The following ABCF2 variants were observed in gnomAD, a reference collection of about 807,000 sequenced individuals.
ABCF2 encodes ATP binding cassette subfamily F member 2, also known as ATP-binding cassette sub-family F member 2.
Under a neutral mutation model 76.9 loss-of-function variants are expected in ABCF2, and 37 were observed. The observed-to-expected ratio is 0.48, with a 90% CI of 0.37 to 0.63. The LOEUF (loss-of-function observed/expected upper bound fraction) is 0.63. Among genes scored for constraint, ABCF2 ranks in the 30% least tolerant of loss-of-function variants. The pLI is 0.00. For synonymous variants in ABCF2, 299 were observed against 283.7 expected (o/e 1.05, Z -0.54); for missense variants, 524 against 782.1 (o/e 0.67, Z 3.94).
chr7:151,216,463 G>C (rs1413325896), intron 11 of ABCF2, among the ~76,000 whole-genome samples: 2 of 152,136 alleles, frequency 1.3e-5, no homozygotes, highest in Non-Finnish European at 2.9e-5. Flanking sequence ...ATATAAACAA[G>C]AATTAGGTTC....
chr7:151,217,996 G>A (rs1216233396), intron 11 of ABCF2, 85 bp downstream of exon 11: 18 of 1,015,672 alleles, frequency 1.8e-5, no homozygotes, highest in Non-Finnish European at 2.4e-5. Context: ...CCCTCCCAAA[G>A]TAGTAGCCCC....
chr7:151,215,228 G>T lies in ABCF2; in HGVS notation c.1531-146C>A. The T allele has an allele frequency of 1.2e-6, 1 of 810,204 alleles. No homozygotes were observed. Among genetic ancestry groups the T allele is most frequent in the South Asian group, 1.7e-5 (1 of 57,438 alleles). The allele number at this position is 810,204 out of a possible 1,614,324, so 50.2% of individuals were successfully genotyped here. On this transcript the variant is annotated intron_variant, in intron 13 of 14. Coordinates refer to ENST00000287844, the MANE Select transcript of ABCF2 (RefSeq NM_007189.3). The surrounding 1 kb of genome is among the most constrained non-coding windows in gnomAD (Gnocchi z 4.6). The stretch of plus-strand genomic sequence containing the variant: ...CAGAGAGACCCACTAGTCTCTTGAG[G>T]CCTGAAAGAGACTCATCCGGAAACC...
Position 151,213,053 on chromosome 7 carries a change from C to T in ABCF2, c.*1001G>A, listed in dbSNP as rs893236298. ...CGCTGGGATTACAGGTGTGAGCCAC[C>T]GCACCTGGCCTGCATTTTTAACAAG... On this transcript the variant is annotated 3_prime_UTR_variant, in exon 15 of 15. Coordinates refer to ENST00000287844, the MANE Select transcript of ABCF2 (RefSeq NM_007189.3). The T allele has an allele frequency of 2.9e-5, 29 of 985,186 alleles. No homozygotes were observed. In the South Asian group the frequency reaches 4.2e-4, roughly 14 times the overall value. 61.0% of individuals were successfully genotyped at this position (985,186 alleles called of 1,614,324 possible).
chr7:151,226,414 C>A lies in ABCF2; in HGVS notation c.45G>T (p.Glu15Asp), dbSNP rs1172761275. 6.2e-7 allele frequency: 1 copy of A among 1,613,952 alleles called. No homozygotes were observed. The highest frequency in any genetic ancestry group is 2.2e-5 in the East Asian group (1 of 44,884). ...LAKKKAAKKK[E>D]AAKARQRPRK... is the part of the protein sequence containing the mutation. ...TGGGCCGCTGTCGAGCTTTGGCAGC[C>A]TCCTTCTTTTTGGCTGCCTTCTTCT... The change falls in exon 2 of 15, where the codon GAG (glutamate) becomes GAT (aspartate). Residue 15 changes from glutamate to aspartate, a missense_variant. This residue lies in a region of ABCF2 where 330 missense variants were observed against 433.6 expected (regional missense o/e 0.76). Coordinates refer to ENST00000287844, the MANE Select transcript of ABCF2 (RefSeq NM_007189.3).
Position 151,213,533 on chromosome 7 carries a change from C to G in ABCF2, c.*521G>C. ...CGTGGCTTCCTCTTTCTTTATTGGG[C>G]GCTTTGTAGATGTCACGCAGGTCTA... On this transcript the variant is annotated 3_prime_UTR_variant, in exon 15 of 15. Transcript: ENST00000287844. 1.0e-6 allele frequency: 1 copy of G among 985,838 alleles called. No individual in the cohort carries two copies. The highest frequency in any genetic ancestry group is 1.2e-6 in the Non-Finnish European group (1 of 830,344). The allele number at this position is 985,838 out of a possible 1,614,324, so 61.1% of individuals were successfully genotyped here.
chr7:151,211,923 TG>T lies in ABCF2; in HGVS notation c.*2130del, dbSNP rs1193145416. On this transcript the variant is annotated 3_prime_UTR_variant, in exon 15 of 15. Transcript: ENST00000287844. Reference sequence around the variant, plus strand: ...GTTGCCCAGGGCAGCTCCTGGACTTTGTGGCCATCTGAGAAGATCCTACTCA... The same window carrying T: ...GTTGCCCAGGGCAGCTCCTGGACTTTTGGCCATCTGAGAAGATCCTACTCA... 1 of 985,358 alleles carries T rather than the reference TG, an allele frequency of 1.0e-6. No individual in the cohort carries two copies. Among genetic ancestry groups the T allele is most frequent in the African/African-American group, 1.7e-5 (1 of 57,248 alleles). The allele number at this position is 985,358 out of a possible 1,614,324, so 61.0% of individuals were successfully genotyped here. A position where few individuals can be genotyped will look rare whatever the true frequency, so the allele number is the denominator to read the frequency against.
chr7:151,218,945 T>G, intron 8 of ABCF2, 72 bp from the exon 9 acceptor site: 3 of 1,609,030 alleles, frequency 1.9e-6, no homozygotes, highest in Admixed American at 1.7e-5. Flanking sequence ...AGGGTAAAAA[T>G]GTTGATCGTA....
At chr7:151,221,756 G>T in intron 6 of ABCF2, 76 bp from the exon 7 acceptor site, 3 of 1,105,870 alleles carry the variant, frequency 2.7e-6, no homozygotes, top group Non-Finnish European at 4.2e-6. Context: ...TGAAAGTCAG[G>T]CCCATCCTCA....
rs1292614403 is a variant in ABCF2 at position 151,215,162 on chromosome 7, T to G, written c.1531-80A>C. ...AGCTCATCTCTCCCTCATTTCTCCCTGACTCCTCCATTAGCATCGCCATTT... is the reference window on the plus strand; with the variant it reads ...AGCTCATCTCTCCCTCATTTCTCCCGGACTCCTCCATTAGCATCGCCATTT... On this transcript the variant is annotated intron_variant, in intron 13 of 14. Coordinates refer to ENST00000287844, the MANE Select transcript of ABCF2 (RefSeq NM_007189.3). The surrounding 1 kb of genome is among the most constrained non-coding windows in gnomAD (Gnocchi z 4.6). 28 of 1,319,356 alleles carry G rather than the reference T, an allele frequency of 2.1e-5. No individual in the cohort carries two copies. Among genetic ancestry groups the G allele is most frequent in the Non-Finnish European group, 2.7e-5 (25 of 938,318 alleles). 81.7% of individuals were successfully genotyped at this position (1,319,356 alleles called of 1,614,324 possible). A position where few individuals can be genotyped will look rare whatever the true frequency, so the allele number is the denominator to read the frequency against.
At chr7:151,222,237 AT>A (rs202151581) in intron 6 of ABCF2, among the ~76,000 whole-genome samples, 2,473 of 152,222 alleles carry the variant, frequency 0.016, 61 homozygotes, top group African/African-American at 0.055. Flanking sequence ...AAGAAAAAAA[AT>A]ATATCTTTAA....
Position 151,213,943 on chromosome 7 carries a change from G to A in ABCF2, c.*111C>T. On this transcript the variant is annotated 3_prime_UTR_variant, in exon 15 of 15. Coordinates refer to ENST00000287844, the MANE Select transcript of ABCF2 (RefSeq NM_007189.3). ...GGGCAGGGGAGAGGCTGGGGGAGCA[G>A]TATTGCAGCAATGCAGGAGTGTAGC... 2.6e-6 allele frequency: 4 copies of A among 1,525,696 alleles called. No homozygotes were observed. The highest frequency in any genetic ancestry group is 3.5e-6 in the Non-Finnish European group (4 of 1,145,372). The allele number at this position is 1,525,696 out of a possible 1,614,324, so 94.5% of individuals were successfully genotyped here. A position where few individuals can be genotyped will look rare whatever the true frequency, so the allele number is the denominator to read the frequency against.
rs1802069511 is a variant in ABCF2, at chr7:151,212,595, C to T, written c.*1459G>A. ...CACTGCAGCCTCAACCTCCTGGGCTCAAGTGAGCCTCCTCTTATCAGAGCA... is the reference window on the plus strand; with the variant it reads ...CACTGCAGCCTCAACCTCCTGGGCTTAAGTGAGCCTCCTCTTATCAGAGCA... On this transcript the variant is annotated 3_prime_UTR_variant, in exon 15 of 15. Transcript: ENST00000287844. The T allele has an allele frequency of 3.2e-6, 2 of 628,438 alleles. No individual in the cohort carries two copies. The highest frequency in any genetic ancestry group is 4.0e-6 in the Non-Finnish European group (2 of 504,104). The allele number at this position is 628,438 out of a possible 1,614,324, so 38.9% of individuals were successfully genotyped here.
In ABCF2 at chr7:151,213,814, G is replaced by A. The variant is rs1339224633; in HGVS notation, c.*240C>T. 13 of 1,337,160 alleles carry A rather than the reference G, an allele frequency of 9.7e-6. No homozygotes were observed. Among genetic ancestry groups the A allele is most frequent in the East Asian group, 3.2e-5 (1 of 31,704 alleles). The allele number at this position is 1,337,160 out of a possible 1,614,324, so 82.8% of individuals were successfully genotyped here. ...TAACCAGCAAGGGGCTGGAGGGAACGGCCAGCCGAGTCCAGACATGGACAG... is the reference window on the plus strand; with the variant it reads ...TAACCAGCAAGGGGCTGGAGGGAACAGCCAGCCGAGTCCAGACATGGACAG... On this transcript the variant is annotated 3_prime_UTR_variant, in exon 15 of 15. Coordinates refer to ENST00000287844, the MANE Select transcript of ABCF2 (RefSeq NM_007189.3).
At chr7:151,224,631 C>T (rs1466989714) in intron 3 of ABCF2, 145 bp downstream of exon 3, 2 of 756,546 alleles carry the variant, frequency 2.6e-6, no homozygotes, top group Non-Finnish European at 4.6e-6. Context: ...CTCTGCGTTG[C>T]TAGTTCCTTT....
At chr7:151,218,327 AC>A in intron 10 of ABCF2, 136 bp from the exon 11 acceptor site, 1 of 715,714 alleles carries the variant, frequency 1.4e-6, no homozygotes, top group Non-Finnish European at 2.3e-6. Flanking sequence ...CTCATAGCAG[AC>A]CCCGCCTCGC....
In ABCF2 at chr7:151,224,960, C is replaced by G. The variant is rs1253891179; in HGVS notation, c.183G>C (p.Glu61Asp). ...TEVDLLTKEL[E>D]DFEMKKAAAR... ...CAGCAGCTTTCTTCATCTCAAAGTC[C>G]TCTAGCTCCTTGGTCAGCAAATCTA... The change falls in exon 3 of 15, where the codon GAG becomes GAC. Residue 61 changes from glutamate (E) to aspartate (D), a missense_variant. Around this residue, in one of 2 missense-constraint regions of ABCF2, gnomAD observed 330 missense variants for 433.6 expected, o/e 0.76. Coordinates refer to ENST00000287844, the MANE Select transcript of ABCF2 (RefSeq NM_007189.3). 5 of 1,614,198 alleles carry G rather than the reference C, an allele frequency of 3.1e-6. No homozygotes were observed. Among genetic ancestry groups the G allele is most frequent in the Non-Finnish European group, 4.2e-6 (5 of 1,180,044 alleles).
At position 151,224,997 on chromosome 7, in the gene ABCF2, A is replaced by G; in HGVS notation, c.155-9T>C. On this transcript the variant is annotated splice_polypyrimidine_tract_variant and intron_variant, in intron 2 of 14. Coordinates refer to ENST00000287844, the MANE Select transcript of ABCF2 (RefSeq NM_007189.3). The stretch of plus-strand genomic sequence containing the variant: ...GGTCAGCAAATCTACTTCTGCGGAT[A>G]GAAAAGCAGTTTGGGAAGATGGCGT... 6.2e-7 allele frequency: 1 copy of G among 1,613,530 alleles called. No individual in the cohort carries two copies. Among genetic ancestry groups the G allele is most frequent in the African/African-American group, 1.3e-5 (1 of 75,066 alleles).
Position 151,216,359 on chromosome 7 carries a change from G to A in ABCF2, c.1339-330C>T, listed in dbSNP as rs143628327. Among the ~76,000 whole-genome samples the A allele has an allele frequency of 3.9e-4, 60 of 152,306 alleles. No individual in the cohort carries two copies. In the East Asian group the frequency reaches 0.011, roughly 29 times the overall value. On this transcript the variant is annotated intron_variant, in intron 11 of 14. Transcript: ENST00000287844. ...CAGTTAAGTCCTCAAAGTTGTCACT[G>A]TCATCGATAGGTTCTTAGAAACAGA...
rs1022173497 is a variant in ABCF2, at chr7:151,213,615, G to A, written c.*439C>T. On this transcript the variant is annotated 3_prime_UTR_variant, in exon 15 of 15. Transcript: ENST00000287844. Reference sequence around the variant, plus strand: ...CTGACCAGGACGAAGGTCCTGGTCCGGAGCTCCAAACCAGAAGCAAAAAGG... The same window carrying A: ...CTGACCAGGACGAAGGTCCTGGTCCAGAGCTCCAAACCAGAAGCAAAAAGG... 5.7e-5 allele frequency: 57 copies of A among 993,782 alleles called. No individual in the cohort carries two copies. The African/African-American group carries it at 7.0e-4, about 12-fold the overall frequency. The allele number at this position is 993,782 out of a possible 1,614,324, so 61.6% of individuals were successfully genotyped here.
Sources: allele counts gnomAD v4.1 joint callset (sites outside exome capture counted in the v4.1 genomes callset), GRCh38; gene constraint gnomAD v4.1.1; regional missense constraint gnomAD v4.1.1; non-coding constraint Gnocchi (gnomAD v3.1); transcripts MANE v1.5; gene names NCBI Gene and HGNC (gene_info 2026-07-23, HGNC 2026-07-21).